Variants in EFR3A observed in about 807,000 individuals in gnomAD.
The protein encoded by EFR3A is EFR3 homolog A.
A neutral mutation model predicts 104.4 loss-of-function variants in EFR3A; 76 were observed. The ratio of observed to expected loss-of-function variants is 0.73; its 90% CI spans 0.60 to 0.88. The LOEUF (loss-of-function observed/expected upper bound fraction) is 0.88, where lower values mean the gene tolerates loss of function less well. Ranked by LOEUF, EFR3A falls within the 40% of genes least tolerant of loss-of-function variation. The pLI, the probability that EFR3A is intolerant of heterozygous loss-of-function variation, is 0.00. For missense variants in EFR3A, 985 were observed against 1,012.5 expected (o/e 0.97, Z 0.37); for synonymous variants, 330 against 330.0 (o/e 1.00, Z 0.00).
chr8:131,985,747 C>T (rs1820840386), intron 16 of EFR3A, among the ~76,000 whole-genome samples: 1 of 152,164 alleles, frequency 6.6e-6, no homozygotes, highest in Non-Finnish European at 1.5e-5. Flanking sequence ...GTAAATACTA[C>T]AAAAGCAGAG....
chr8:131,962,479 G>T (rs1052629252), intron 8 of EFR3A, among the ~76,000 whole-genome samples: 1 of 152,148 alleles, frequency 6.6e-6, no homozygotes, highest in African/African-American at 2.4e-5. Context: ...TTACATAATG[G>T]TAAAGGGATC....
At chr8:131,956,614 T>C (rs559686850) in intron 7 of EFR3A, among the ~76,000 whole-genome samples, 2 of 152,190 alleles carry the variant, frequency 1.3e-5, no homozygotes, top group Admixed American at 6.5e-5. Context: ...AATAGTGGCT[T>C]TATAGAATAT....
At chr8:131,940,208 A>T in intron 1 of EFR3A, 1 of 327,782 alleles carries the variant, frequency 3.1e-6, no homozygotes, top group Non-Finnish European at 5.7e-6. Flanking sequence ...GGCAGATGAC[A>T]TCAGAAAGGA....
chr8:131,976,813 G>C (rs1254778878), intron 11 of EFR3A, among the ~76,000 whole-genome samples: 1 of 152,002 alleles, frequency 6.6e-6, no homozygotes, highest in Non-Finnish European at 1.5e-5. Flanking sequence ...CAGATGCATA[G>C]GACTGTTTGA....
At chr8:131,932,980 CAT>C (rs1439388050) in intron 1 of EFR3A, among the ~76,000 whole-genome samples, 1 of 152,040 alleles carries the variant, frequency 6.6e-6, no homozygotes, top group East Asian at 1.9e-4. Flanking sequence ...TCCTCTAAAA[CAT>C]ATTAATTAGC....
intron 1 of EFR3A, among the ~76,000 whole-genome samples, chr8:131,909,796 C>T (rs1194060223): frequency 6.6e-6 from 1 of 152,150 alleles, no homozygotes; most frequent in Non-Finnish European, 1.5e-5. Context: ...ACCCTCCTGC[C>T]CCAAGCTTCT....
At chr8:131,974,979 C>T (rs886964652) in intron 10 of EFR3A, among the ~76,000 whole-genome samples, 1 of 152,056 alleles carries the variant, frequency 6.6e-6, no homozygotes, top group Non-Finnish European at 1.5e-5. Context: ...AACATAACAG[C>T]CATGATTTGA....
Position 132,001,741 on chromosome 8 carries a change from CTT to C in EFR3A, c.2158-17_2158-16del. 8 of 1,609,530 alleles carry C rather than the reference CTT, an allele frequency of 5.0e-6. No individual in the cohort carries two copies. The highest frequency in any genetic ancestry group is 6.8e-6 in the Non-Finnish European group (8 of 1,176,326). The stretch of plus-strand genomic sequence containing the variant: ...TGACCCTTTTTAACTCTCGATTTCA[CTT>C]ATCACTTTTCTCTAGGTTAGTAACA... On this transcript the variant is annotated splice_polypyrimidine_tract_variant and intron_variant, in intron 19 of 22. Coordinates refer to ENST00000254624, the MANE Select transcript of EFR3A (RefSeq NM_015137.6).
intron 8 of EFR3A, among the ~76,000 whole-genome samples, chr8:131,965,197 A>G (rs1209001795): frequency 6.6e-6 from 1 of 152,210 alleles, no homozygotes; most frequent in African/African-American, 2.4e-5. Flanking sequence ...AATGGCAACA[A>G]AAGCCACAAT....
At chr8:131,987,183 G>T (rs1181147438) in intron 17 of EFR3A, among the ~76,000 whole-genome samples, 1 of 152,098 alleles carries the variant, frequency 6.6e-6, no homozygotes, top group Non-Finnish European at 1.5e-5. Flanking sequence ...GCTGGCTAAT[G>T]TGGTTTTCAT....
chr8:131,978,513 C>T (rs574270196), intron 12 of EFR3A, among the ~76,000 whole-genome samples: 3 of 152,172 alleles, frequency 2.0e-5, no homozygotes, highest in East Asian at 3.9e-4. Context: ...TAACCTTAAC[C>T]TCTCTGTGCC....
In EFR3A at chr8:131,914,580, C is replaced by T. The variant is rs574446846; in HGVS notation, c.10+10258C>T. 5.3e-5 allele frequency among the ~76,000 whole-genome samples: 8 copies of T among 151,858 alleles called. No individual in the cohort carries two copies. The South Asian group carries it at 1.2e-3, about 24-fold the overall frequency. Reference sequence around the variant, plus strand: ...AAGGACTGTTGTATGGGAAGGATTCCGACAAGACTGTGCAGGTGGCCCTCT... The same window carrying T: ...AAGGACTGTTGTATGGGAAGGATTCTGACAAGACTGTGCAGGTGGCCCTCT... On this transcript the variant is annotated intron_variant, in intron 1 of 22. Transcript: ENST00000254624.
At chr8:131,968,501 G>A (rs1819884912) in intron 9 of EFR3A, 71 bp downstream of exon 9, 1 of 1,415,904 alleles carries the variant, frequency 7.1e-7, no homozygotes, top group East Asian at 2.4e-5. Flanking sequence ...ATGCATAGCA[G>A]TGTATGAAGA....
At chr8:131,987,752 A>T (rs1312596591) in intron 18 of EFR3A, 50 bp downstream of exon 18, 4 of 1,528,078 alleles carry the variant, frequency 2.6e-6, no homozygotes, top group Non-Finnish European at 3.5e-6. Flanking sequence ...CTTATGTTAT[A>T]GTAAATTTTT....
At chr8:131,921,897 G>A (rs1021267136) in intron 1 of EFR3A, among the ~76,000 whole-genome samples, 1 of 152,130 alleles carries the variant, frequency 6.6e-6, no homozygotes, top group Non-Finnish European at 1.5e-5. Flanking sequence ...TGTACATGTT[G>A]TACGAAATCT....
chr8:131,939,936 T>C (rs1170863219), intron 1 of EFR3A: 1 of 152,442 alleles, frequency 6.6e-6, no homozygotes, highest in African/African-American at 2.4e-5. Context: ...AGAAAGTTTA[T>C]TTAATGTGGT....
At chr8:131,985,870 G>A (rs116408416) in intron 16 of EFR3A, among the ~76,000 whole-genome samples, 3,099 of 152,220 alleles carry the variant, frequency 0.02, 49 homozygotes, top group Middle Eastern at 0.044. Context: ...TTTGTAAAGC[G>A]ATTTCCAAAA....
rs528489343 is a variant in EFR3A at position 131,981,879 on chromosome 8, C to T, written c.1576-2260C>T. ...CTTCACCTGTAATTTCCTAGTGAAG[C>T]GTATTCTTCCAGAGAAAATAGCTGC... On this transcript the variant is annotated intron_variant, in intron 14 of 22. Coordinates refer to ENST00000254624, the MANE Select transcript of EFR3A (RefSeq NM_015137.6). 1.8e-3 allele frequency among the ~76,000 whole-genome samples: 277 copies of T among 152,122 alleles called. 2 individuals are homozygous for T. Among genetic ancestry groups the T allele is most frequent in the African/African-American group, 6.5e-3 (268 of 41,524 alleles).
intron 10 of EFR3A, among the ~76,000 whole-genome samples, chr8:131,972,406 A>C (rs1011539682): frequency 2.0e-5 from 3 of 151,260 alleles, no homozygotes; most frequent in Non-Finnish European, 4.4e-5. Flanking sequence ...TAAGATCTGG[A>C]TGCTAATATC....
Sources: gnomAD v4.1 joint callset for allele counts (sites outside exome capture counted in the v4.1 genomes callset) on GRCh38, gnomAD v4.1.1 for gene constraint, MANE v1.5 for transcripts, NCBI Gene and HGNC (gene_info 2026-07-23, HGNC 2026-07-21) for gene names.